The following HECW1 variants were observed in gnomAD, a reference collection of about 807,000 sequenced individuals.
The protein encoded by HECW1 is HECT, C2 and WW domain containing E3 ubiquitin protein ligase 1.
A neutral mutation model predicts 182.3 loss-of-function variants in HECW1; 61 were observed. The observed-to-expected ratio is 0.33, with a 90% confidence interval of 0.27 to 0.41. HECW1 has a LOEUF of 0.41. Among genes scored for constraint, HECW1 ranks in the 10% least tolerant of loss-of-function variants. HECW1 has a pLI of 1.00. For missense variants in HECW1, 1,739 were observed against 2,108.9 expected, an observed-to-expected ratio of 0.82 and a Z score of 3.44; for synonymous variants, 859 against 832.6, an observed-to-expected ratio of 1.03 and a Z score of -0.55.
chr7:43,473,290 C>A (rs918125239), intron 16 of HECW1, among the ~76,000 whole-genome samples: 1 of 152,156 alleles, frequency 6.6e-6, no homozygotes, highest in African/African-American at 2.4e-5. Context: ...GGATCATGAG[C>A]CAAATAAACC....
chr7:43,198,034 A>G (rs539904867), intron 2 of HECW1, among the ~76,000 whole-genome samples: 1 of 151,516 alleles, frequency 6.6e-6, no homozygotes. Flanking sequence ...AACAACCTAC[A>G]CATACACACA....
chr7:43,215,758 C>T (rs1268150447), intron 2 of HECW1, among the ~76,000 whole-genome samples: 4 of 152,150 alleles, frequency 2.6e-5, no homozygotes, highest in African/African-American at 9.7e-5. Flanking sequence ...ATCTACTTAA[C>T]TGATATTATT....
At chr7:43,233,106 G>T (rs1412695489) in intron 2 of HECW1, among the ~76,000 whole-genome samples, 1 of 151,836 alleles carries the variant, frequency 6.6e-6, no homozygotes, top group East Asian at 1.9e-4. Context: ...CTCCCTAGCT[G>T]GTTGTTACTA....
At chr7:43,257,008 T>C (rs770089944) in intron 3 of HECW1, among the ~76,000 whole-genome samples, 4 of 152,324 alleles carry the variant, frequency 2.6e-5, no homozygotes, top group Non-Finnish European at 4.4e-5. Flanking sequence ...CTCTCTCCGT[T>C]CCCAAATTAA....
Position 43,463,669 on chromosome 7 carries a change from C to T in HECW1, c.2661C>T (p.Asn887=). ...ATTTTCTAATGCAAAGGTATCAAAA[C>T]ATTCAGCGAACCATTGCAACAGAGA... The part of the protein sequence containing the change: ...QMEQLNRRYQ[N]IQRTIATERS... The change falls in exon 14 of 30, where the codon AAC becomes AAT. Residue 887 remains asparagine (N), a synonymous_variant. Coordinates refer to ENST00000395891, the MANE Select transcript of HECW1 (RefSeq NM_015052.5). 1 of 1,613,606 alleles carries T rather than the reference C, an allele frequency of 6.2e-7. No homozygotes were observed. The highest frequency in any genetic ancestry group is 8.5e-7 in the Non-Finnish European group (1 of 1,179,734).
At chr7:43,502,076 C>G (rs1215909834) in intron 21 of HECW1, among the ~76,000 whole-genome samples, 1 of 152,202 alleles carries the variant, frequency 6.6e-6, no homozygotes, top group African/African-American at 2.4e-5. Flanking sequence ...TGTCCCTGCT[C>G]TAAATTGTTG....
At chr7:43,288,481 A>T (rs1426228947) in intron 3 of HECW1, among the ~76,000 whole-genome samples, 1 of 152,208 alleles carries the variant, frequency 6.6e-6, no homozygotes, top group Non-Finnish European at 1.5e-5. Flanking sequence ...TTTGGTAAAT[A>T]CAGTCTTTGC....
At chr7:43,159,544 C>T (rs1396500187) in intron 2 of HECW1, among the ~76,000 whole-genome samples, 1 of 152,120 alleles carries the variant, frequency 6.6e-6, no homozygotes, top group African/African-American at 2.4e-5. Flanking sequence ...GGTATATGCA[C>T]ATTTTTAAAG....
intron 6 of HECW1, among the ~76,000 whole-genome samples, chr7:43,388,279 A>C (rs2074881035): frequency 6.6e-6 from 1 of 152,258 alleles, no homozygotes; most frequent in African/African-American, 2.4e-5. Flanking sequence ...ATAAAACATG[A>C]CTTGGTTATT....
chr7:43,493,531 G>A (rs903666764), intron 19 of HECW1, among the ~76,000 whole-genome samples: 3 of 152,032 alleles, frequency 2.0e-5, no homozygotes, highest in South Asian at 4.1e-4. Flanking sequence ...ATTGTTGAAC[G>A]GTAAACCAAA....
In HECW1 at chr7:43,428,492, G is replaced by A. The variant is rs1034951411; in HGVS notation, c.802-9511G>A. Reference sequence around the variant, plus strand: ...AAGCTGAAGACAGGGAGACCAGTTAGGAAGTAATTACAAGGACAAGGAATG... The same window carrying A: ...AAGCTGAAGACAGGGAGACCAGTTAAGAAGTAATTACAAGGACAAGGAATG... On this transcript the variant is annotated intron_variant, in intron 8 of 29. Transcript: ENST00000395891. Among the ~76,000 whole-genome samples, 20 of 152,250 alleles carry A rather than the reference G, an allele frequency of 1.3e-4. No individual in the cohort carries two copies. In the South Asian group the frequency reaches 3.5e-3, roughly 27 times the overall value.
chr7:43,259,823 C>T (rs1274195298), intron 3 of HECW1, among the ~76,000 whole-genome samples: 2 of 152,080 alleles, frequency 1.3e-5, no homozygotes, highest in African/African-American at 4.8e-5. Flanking sequence ...CAATCAGTGA[C>T]CTATTAAATG....
chr7:43,304,509 G>A (rs1347806952), intron 3 of HECW1, among the ~76,000 whole-genome samples: 1 of 139,878 alleles, frequency 7.1e-6, no homozygotes, highest in African/African-American at 2.7e-5. Flanking sequence ...TTTATTTATC[G>A]ATATGGAGTC....
At chr7:43,173,018 C>T (rs1314906411) in intron 2 of HECW1, among the ~76,000 whole-genome samples, 4 of 152,214 alleles carry the variant, frequency 2.6e-5, no homozygotes, top group Admixed American at 6.5e-5. Flanking sequence ...TTTCACACCA[C>T]ATTGACAGAA....
chr7:43,536,709 G>T (rs370685226), intron 24 of HECW1, among the ~76,000 whole-genome samples: 1 of 152,120 alleles, frequency 6.6e-6, no homozygotes. Flanking sequence ...CAGCCTGAGG[G>T]GTAGAGGTGA....
intron 2 of HECW1, among the ~76,000 whole-genome samples, chr7:43,187,361 T>G (rs1290939401): frequency 6.6e-6 from 1 of 152,208 alleles, no homozygotes; most frequent in African/African-American, 2.4e-5. Context: ...CTCCACCTGC[T>G]GAAGGTAGTG....
intron 24 of HECW1, among the ~76,000 whole-genome samples, chr7:43,535,505 C>T (rs543323467): frequency 2.2e-4 from 33 of 152,244 alleles, no homozygotes; most frequent in Admixed American, 8.5e-4. Context: ...TCCCAGTTCA[C>T]AGTCCCAGTG....
intron 3 of HECW1, among the ~76,000 whole-genome samples, chr7:43,305,694 G>A (rs1474455012): frequency 1.3e-5 from 2 of 151,852 alleles, no homozygotes; most frequent in South Asian, 2.1e-4. Context: ...TCCACCTCCC[G>A]GGTTCAAGCG....
intron 3 of HECW1, among the ~76,000 whole-genome samples, chr7:43,294,362 C>T (rs1034466538): frequency 1.3e-5 from 2 of 152,108 alleles, no homozygotes; most frequent in Non-Finnish European, 2.9e-5. Flanking sequence ...ACTAGCTGTT[C>T]CCATGGGGGG....
Sources: gnomAD v4.1 joint callset for allele counts (sites outside exome capture counted in the v4.1 genomes callset) on GRCh38, gnomAD v4.1.1 for gene constraint, MANE v1.5 for transcripts, NCBI Gene and HGNC (gene_info 2026-07-23, HGNC 2026-07-21) for gene names.